STK10: variants seen among roughly 807,000 people sequenced by gnomAD.
STK10 encodes the protein serine/threonine kinase 10, also known as serine/threonine-protein kinase 10.
STK10 carries 78 observed loss-of-function variants against 113.8 expected under a neutral mutation model. The ratio of observed to expected loss-of-function variants is 0.69; its 90% CI spans 0.57 to 0.83. STK10 has a LOEUF of 0.83. Ranked by LOEUF, STK10 falls within the 40% of genes least tolerant of loss-of-function variation. The pLI, the probability that STK10 is intolerant of heterozygous loss-of-function variation, is 0.00. For synonymous variants in STK10, 465 were observed against 494.7 expected, an observed-to-expected ratio of 0.94 and a Z score of 0.80; for missense variants, 1,109 against 1,280.1, an observed-to-expected ratio of 0.87 and a Z score of 2.04.
rs760747347 is a variant in STK10 at position 172,093,923 on chromosome 5, C to G, written c.1043G>C (p.Ser348Thr). ...ENHTQNSSEV[S>T]PPSLNADKPL... The stretch of plus-strand genomic sequence containing the variant: ...CTTGTCAGCATTGAGGCTTGGCGGA[C>G]TCACCTCAGAGGAGTTCTGAGTATG... The change falls in exon 9 of 19, where the codon AGT (serine) becomes ACT (threonine). Residue 348 changes from serine to threonine, a missense_variant. Physicochemically the swap from Ser to Thr is moderately conservative, Grantham distance 58. Coordinates refer to ENST00000176763, the MANE Select transcript of STK10 (RefSeq NM_005990.4). This position sits in a 1 kb window ranked among gnomAD's most constrained non-coding sequence, Gnocchi z 4.1. 1 of 1,526,252 alleles carries G rather than the reference C, an allele frequency of 6.6e-7. No individual in the cohort carries two copies. Among genetic ancestry groups the G allele is most frequent in the Non-Finnish European group, 8.8e-7 (1 of 1,135,470 alleles). The allele number at this position is 1,526,252 out of a possible 1,614,324, so 94.5% of individuals were successfully genotyped here.
chr5:172,062,291 A>G (rs1717180695), intron 13 of STK10, among the ~76,000 whole-genome samples: 1 of 152,244 alleles, frequency 6.6e-6, no homozygotes, highest in African/African-American at 2.4e-5. Context: ...TTAAAATAAA[A>G]AAATTTAGAA....
chr5:172,128,342 C>CTTTTT, intron 2 of STK10, among the ~76,000 whole-genome samples: 1 of 135,774 alleles, frequency 7.4e-6, no homozygotes, highest in Non-Finnish European at 1.6e-5. Context: ...TTCTTCTTTC[C>CTTTTT]TTTTTTTTTT....
intron 6 of STK10, among the ~76,000 whole-genome samples, chr5:172,106,401 C>CAAAAGAAAAAAAAAAAAAAA (rs1769107726): frequency 1.9e-5 from 1 of 53,442 alleles, no homozygotes; most frequent in Non-Finnish European, 3.8e-5. Context: ...GACCCTATCT[C>CAAAAGAAAAAAAAAAAAAAA]AAAAAAAAAA....
At chr5:172,048,339 T>A (rs1767539617) in intron 18 of STK10, among the ~76,000 whole-genome samples, 1 of 151,398 alleles carries the variant, frequency 6.6e-6, no homozygotes, top group Non-Finnish European at 1.5e-5. Flanking sequence ...CCTGCAGATT[T>A]CAGACTTACC....
chr5:172,164,940 C>G (rs565045443), intron 1 of STK10, among the ~76,000 whole-genome samples: 2 of 152,242 alleles, frequency 1.3e-5, no homozygotes, highest in Admixed American at 6.5e-5. Context: ...CACACCCTTG[C>G]GAGCAGATAC....
At chr5:172,169,846 G>A (rs75069405) in intron 1 of STK10, among the ~76,000 whole-genome samples, 1,581 of 152,234 alleles carry the variant, frequency 0.01, 35 homozygotes, top group African/African-American at 0.036. Flanking sequence ...TGGAAACAGC[G>A]CAGGACCTAA....
chr5:172,066,272 C>T (rs371245346), intron 12 of STK10, among the ~76,000 whole-genome samples: 2 of 151,936 alleles, frequency 1.3e-5, no homozygotes, highest in Admixed American at 6.6e-5. Context: ...GCAGGTGGCA[C>T]GAAGGGGAGT....
intron 2 of STK10, among the ~76,000 whole-genome samples, chr5:172,131,986 T>C (rs1032386402): frequency 2.6e-5 from 4 of 152,192 alleles, no homozygotes; most frequent in Non-Finnish European, 5.9e-5. Flanking sequence ...CTCTTGCTCT[T>C]TCCACCTTCC....
chr5:172,096,331 A>G (rs1768852869), intron 8 of STK10, 95 bp downstream of exon 8: 2 of 1,553,678 alleles, frequency 1.3e-6, no homozygotes, highest in African/African-American at 1.4e-5. Flanking sequence ...TGCCTGAGCC[A>G]GAGTCCTGGC....
At chr5:172,143,224 G>C (rs1029341557) in intron 2 of STK10, among the ~76,000 whole-genome samples, 14 of 152,184 alleles carry the variant, frequency 9.2e-5, no homozygotes, top group Non-Finnish European at 1.6e-4. Context: ...AAGTCAGCCA[G>C]GTGTGGTGGC....
At position 172,082,419 on chromosome 5, in the gene STK10, G is replaced by A. The variant is rs762762592; in HGVS notation, c.1896C>T (p.Ala632=). 1.1e-5 allele frequency: 17 copies of A among 1,611,880 alleles called. No homozygotes were observed. The highest frequency in any genetic ancestry group is 2.2e-5 in the East Asian group (1 of 44,622). ...QQVEKMEQDH[A]VRRREEARRI... Reference sequence around the variant, plus strand: ...GCCTGGCCTCCTCCCGGCGGCGCACGGCATGGTCTTGCTCCATCTTCTCCA... The same window carrying A: ...GCCTGGCCTCCTCCCGGCGGCGCACAGCATGGTCTTGCTCCATCTTCTCCA... Residue 632 remains alanine, a synonymous_variant, in exon 12 of 19, where the codon GCC becomes GCT. Coordinates refer to ENST00000176763, the MANE Select transcript of STK10 (RefSeq NM_005990.4). This position sits in a 1 kb window ranked among gnomAD's most constrained non-coding sequence, Gnocchi z 4.3.
intron 18 of STK10, among the ~76,000 whole-genome samples, chr5:172,052,548 T>C (rs768094674): frequency 4.6e-5 from 7 of 152,174 alleles, no homozygotes; most frequent in Non-Finnish European, 1.0e-4. Context: ...GAAAACTAAA[T>C]TGGCAAGCAG....
rs542946501 is a variant in STK10 at position 172,106,478 on chromosome 5, C to T, written c.788+142G>A. ...GGGGGGGCTCAGAAACGCCTGAAGA[C>T]CCCCAGGCCCCAACCTCTCCTTTGG... On this transcript the variant is annotated intron_variant, in intron 6 of 18. Coordinates refer to ENST00000176763, the MANE Select transcript of STK10 (RefSeq NM_005990.4). 7.4e-6 allele frequency: 6 copies of T among 812,772 alleles called. 1 individual carries two copies. The South Asian group carries it at 1.3e-4, about 18-fold the overall frequency. The allele number at this position is 812,772 out of a possible 1,614,324, so 50.3% of individuals were successfully genotyped here. A position where few individuals can be genotyped will look rare whatever the true frequency, so the allele number is the denominator to read the frequency against.
intron 18 of STK10, chr5:172,045,413 A>C (rs4867662): frequency 4.3e-6 from 2 of 461,348 alleles, no homozygotes; most frequent in Non-Finnish European, 8.6e-6. Flanking sequence ...TTTTTTTTTC[A>C]AAATACACAT....
At chr5:172,073,627 C>T (rs538879759) in intron 12 of STK10, among the ~76,000 whole-genome samples, 1 of 151,848 alleles carries the variant, frequency 6.6e-6, no homozygotes, top group South Asian at 2.1e-4. Flanking sequence ...AAGTATGTTG[C>T]ATAACAGCAC....
chr5:172,157,316 T>A (rs1770370646), intron 1 of STK10, among the ~76,000 whole-genome samples: 1 of 152,094 alleles, frequency 6.6e-6, no homozygotes, highest in Non-Finnish European at 1.5e-5. Flanking sequence ...CCCAGCACTT[T>A]GAGAGGCCAA....
In STK10 at chr5:172,050,239, G is replaced by T. The variant is rs547817536; in HGVS notation, c.2766+2690C>A. 1.1e-4 allele frequency among the ~76,000 whole-genome samples: 16 copies of T among 152,340 alleles called. No homozygotes were observed. The East Asian group carries it at 2.9e-3, about 28-fold the overall frequency. ...AGGTCACAGCCCTTTAACGTCCTGT[G>T]TGAGGAAATGAGAACTATGCATAAG... On this transcript the variant is annotated intron_variant, in intron 18 of 18. Coordinates refer to ENST00000176763, the MANE Select transcript of STK10 (RefSeq NM_005990.4).
chr5:172,115,740 C>T (rs1000982195), intron 4 of STK10, among the ~76,000 whole-genome samples: 4 of 152,198 alleles, frequency 2.6e-5, no homozygotes, highest in African/African-American at 9.6e-5. Flanking sequence ...TGCTAGGTCC[C>T]AAATCCATCC....
intron 1 of STK10, among the ~76,000 whole-genome samples, chr5:172,164,743 T>C (rs938911022): frequency 6.6e-6 from 1 of 151,760 alleles, no homozygotes; most frequent in African/African-American, 2.4e-5. Context: ...AAGCTAAGGG[T>C]GGTCCAAGTA....
Sources: gnomAD v4.1 joint callset for allele counts (sites outside exome capture counted in the v4.1 genomes callset) on GRCh38, gnomAD v4.1.1 for gene constraint, Gnocchi (gnomAD v3.1) non-coding constraint, MANE v1.5 for transcripts, NCBI Gene and HGNC (gene_info 2026-07-23, HGNC 2026-07-21) for gene names.